GOLGA5: variants seen among roughly 807,000 people sequenced by gnomAD.
The protein encoded by GOLGA5 is golgin subfamily A member 5.
In GOLGA5, 50 loss-of-function variants were observed where a neutral mutation model predicts 93.5. That is an observed-to-expected ratio of 0.53 (90% confidence interval 0.43 to 0.68). The LOEUF (loss-of-function observed/expected upper bound fraction) is 0.68, where lower values mean the gene tolerates loss of function less well. Ranked by LOEUF, GOLGA5 falls within the 30% of genes least tolerant of loss-of-function variation. The pLI, the probability that GOLGA5 is intolerant of heterozygous loss-of-function variation, is 0.00. For synonymous variants in GOLGA5, 312 were observed against 304.5 expected, an observed-to-expected ratio of 1.02 and a Z score of -0.26; for missense variants, 760 against 856.4, an observed-to-expected ratio of 0.89 and a Z score of 1.40.
chr14:92,810,569 A>C, intron 5 of GOLGA5, 192 bp downstream of exon 5: 1 of 377,958 alleles, frequency 2.6e-6, no homozygotes, highest in Admixed American at 4.7e-5. Flanking sequence ...TTATGTGTTG[A>C]GAGACAATTA....
At chr14:92,802,514 G>A (rs1437286056) in intron 2 of GOLGA5, among the ~76,000 whole-genome samples, 3 of 151,978 alleles carry the variant, frequency 2.0e-5, no homozygotes, top group African/African-American at 7.2e-5. Context: ...TCAACGACCA[G>A]TTTTGTATCT....
At chr14:92,833,037 TTACC>T in intron 9 of GOLGA5, 81 bp from the exon 10 acceptor site, 4 of 784,518 alleles carry the variant, frequency 5.1e-6, no homozygotes, top group Non-Finnish European at 6.7e-6. Context: ...ATGCCACAAT[TTACC>T]TATGAAAATG....
chr14:92,837,848 G>A (rs530496259), intron 12 of GOLGA5, among the ~76,000 whole-genome samples: 19 of 152,304 alleles, frequency 1.2e-4, no homozygotes, highest in Middle Eastern at 3.4e-3. Flanking sequence ...TCAGGAATGC[G>A]CCAACGCACC....
intron 2 of GOLGA5, among the ~76,000 whole-genome samples, chr14:92,802,136 A>C (rs1167022533): frequency 6.6e-6 from 1 of 152,220 alleles, no homozygotes; most frequent in African/African-American, 2.4e-5. Flanking sequence ...CACTTTTGCT[A>C]TACTGAGTTT....
At chr14:92,820,241 CAT>C (rs1202146114) in intron 8 of GOLGA5, among the ~76,000 whole-genome samples, 3 of 152,182 alleles carry the variant, frequency 2.0e-5, no homozygotes, top group South Asian at 2.1e-4. Context: ...AGCAAGAAAA[CAT>C]GTGAGCAAAG....
intron 7 of GOLGA5, among the ~76,000 whole-genome samples, chr14:92,817,128 A>G (rs928748191): frequency 6.6e-6 from 1 of 151,884 alleles, no homozygotes; most frequent in Non-Finnish European, 1.5e-5. Flanking sequence ...CTTAGTAGAG[A>G]TGGGGTTTCA....
At chr14:92,810,493 T>A (rs965019373) in intron 5 of GOLGA5, 116 bp downstream of exon 5, 4 of 708,348 alleles carry the variant, frequency 5.6e-6, no homozygotes, top group Non-Finnish European at 8.5e-6. Context: ...TTCAGAAAAT[T>A]CTGTTTCTGT....
At chr14:92,829,804 A>C (rs1885491289) in intron 9 of GOLGA5, among the ~76,000 whole-genome samples, 1 of 152,226 alleles carries the variant, frequency 6.6e-6, no homozygotes, top group Non-Finnish European at 1.5e-5. Flanking sequence ...AATGCTATCA[A>C]ACATCATTAC....
Position 92,819,761 on chromosome 14 carries a change from G to A in GOLGA5, c.1545G>A (p.Gln515=), listed in dbSNP as rs755404291. ...NEAESAREQL[Q]DLHDQIAGQK... ...CAGAATCAGCAAGAGAACAGTTACA[G>A]GATCTGCATGACCAAATAGCTGGGC... The change falls in exon 8 of 13, where the codon CAG becomes CAA. Residue 515 remains glutamine (Q), a synonymous_variant. Transcript: ENST00000163416. The A allele has an allele frequency of 1.5e-5, 25 of 1,613,596 alleles. No individual in the cohort carries two copies. The highest frequency in any genetic ancestry group is 6.7e-5 in the East Asian group (3 of 44,890).
chr14:92,839,367 C>T lies in GOLGA5; in HGVS notation c.2117C>T (p.Ala706Val). 1 of 1,609,556 alleles carries T rather than the reference C, an allele frequency of 6.2e-7. No homozygotes were observed. Among genetic ancestry groups the T allele is most frequent in the East Asian group, 2.2e-5 (1 of 44,844 alleles). ...IARVFVIIYM[A>V]LLHLWVMIVL... ...ACAAATTGCTTTTTCTTTCTCTAGG[C>T]TTTGCTTCACCTCTGGGTCATGATT... The change falls in exon 13 of 13, where the codon GCT (alanine) becomes GTT (valine). Residue 706 changes from alanine to valine, a missense_variant and splice_region_variant. Coordinates refer to ENST00000163416, the MANE Select transcript of GOLGA5 (RefSeq NM_005113.4).
intron 1 of GOLGA5, among the ~76,000 whole-genome samples, chr14:92,795,023 C>T (rs1240789442): frequency 1.3e-5 from 2 of 152,236 alleles, no homozygotes; most frequent in African/African-American, 4.8e-5. Flanking sequence ...ACATTAGTAG[C>T]AGTTGCATGG....
intron 3 of GOLGA5, among the ~76,000 whole-genome samples, chr14:92,808,266 C>T (rs1313520202): frequency 2.6e-5 from 4 of 151,792 alleles, no homozygotes; most frequent in Admixed American, 1.3e-4. Flanking sequence ...ACAACAACAA[C>T]AAAAACAAAG....
chr14:92,797,576 C>G lies in GOLGA5; in HGVS notation c.139C>G (p.Gln47Glu). 1 of 1,613,386 alleles carries G rather than the reference C, an allele frequency of 6.2e-7. No homozygotes were observed. The highest frequency in any genetic ancestry group is 1.3e-5 in the African/African-American group (1 of 75,008). Residue 47 changes from glutamine (Q) to glutamate (E), a missense_variant, in exon 2 of 13, where the codon CAG becomes GAG. Physicochemically the swap from Gln to Glu is conservative, Grantham distance 29. Coordinates refer to ENST00000163416, the MANE Select transcript of GOLGA5 (RefSeq NM_005113.4). ...AAATACTGACTATACTGAACTTCAC[C>G]AGCAAAATACAGATTTGATATATCA... ...SKNTDYTELH[Q>E]QNTDLIYQTG...
At position 92,808,663 on chromosome 14, in the gene GOLGA5, G is replaced by GTT. The variant is rs34306917; in HGVS notation, c.773-625_773-624dup. Among the ~76,000 whole-genome samples, 571 of 133,744 alleles carry GTT rather than the reference G, an allele frequency of 4.3e-3. 3 individuals carry two copies. The highest frequency in any genetic ancestry group is 0.012 in the African/African-American group (414 of 35,734). The allele number at this position is 133,744 out of a possible 152,430, so 87.7% of individuals were successfully genotyped here. ...GTGAGGCTCTGTCTCATGTTTTTGG[G>GTT]TTTTTTTTTTTTTCTTTAAGAAAGG... On this transcript the variant is annotated intron_variant, in intron 3 of 12. Coordinates refer to ENST00000163416, the MANE Select transcript of GOLGA5 (RefSeq NM_005113.4).
At chr14:92,823,729 T>TA (rs1428551051) in intron 8 of GOLGA5, among the ~76,000 whole-genome samples, 3 of 152,144 alleles carry the variant, frequency 2.0e-5, no homozygotes, top group Non-Finnish European at 4.4e-5. Flanking sequence ...TTTTCTTTCT[T>TA]ACAGTTTTCC....
chr14:92,832,475 G>A (rs1424864129), intron 9 of GOLGA5, among the ~76,000 whole-genome samples: 1 of 152,202 alleles, frequency 6.6e-6, no homozygotes, highest in Non-Finnish European at 1.5e-5. Flanking sequence ...TGGAATGAAG[G>A]AAGTCGTTAA....
chr14:92,813,270 G>A (rs12879615), intron 6 of GOLGA5, among the ~76,000 whole-genome samples: 9,636 of 152,158 alleles, frequency 0.063, 401 homozygotes, highest in Admixed American at 0.088. Flanking sequence ...TAGGCACAGA[G>A]GATACAAAGC....
rs1245424424 is a variant in GOLGA5 at position 92,816,573 on chromosome 14, T to C, written c.1491+152T>C. ...CTTCTCTTCCTCCTCCTCTTCCTCT[T>C]CTCTTCTTTTGGAGTCAGGATCTTG... On this transcript the variant is annotated intron_variant, in intron 7 of 12. Coordinates refer to ENST00000163416, the MANE Select transcript of GOLGA5 (RefSeq NM_005113.4). The C allele has an allele frequency of 1.1e-5, 7 of 629,964 alleles. No homozygotes were observed. The East Asian group carries it at 1.7e-4, about 15-fold the overall frequency. 39.0% of individuals were successfully genotyped at this position (629,964 alleles called of 1,614,324 possible). A position where few individuals can be genotyped will look rare whatever the true frequency, so the allele number is the denominator to read the frequency against.
At position 92,835,931 on chromosome 14, in the gene GOLGA5, C is replaced by T. The variant is rs112040430; in HGVS notation, c.2051+267C>T. Among the ~76,000 whole-genome samples the T allele has an allele frequency of 9.8e-3, 567 of 57,616 alleles. 2 individuals are homozygous for T. The highest frequency in any genetic ancestry group is 0.044 in the African/African-American group (529 of 11,940). 37.8% of individuals were successfully genotyped at this position (57,616 alleles called of 152,430 possible). ...CCTACATTTTATTGAAGATGATTAA[C>T]CCTGACTGTATCTCTTTTTTCTATA... On this transcript the variant is annotated intron_variant, in intron 11 of 12. Transcript: ENST00000163416.
Sources: gnomAD v4.1 joint callset for allele counts (sites outside exome capture counted in the v4.1 genomes callset) on GRCh38, gnomAD v4.1.1 for gene constraint, MANE v1.5 for transcripts, NCBI Gene and HGNC (gene_info 2026-07-23, HGNC 2026-07-21) for gene names.